MDN1: variants seen among roughly 807,000 people sequenced by gnomAD.
The protein encoded by MDN1 is midasin AAA ATPase 1.
Under a neutral mutation model 669.2 loss-of-function variants are expected in MDN1, and 266 were observed. The ratio of observed to expected loss-of-function variants is 0.40; its 90% CI spans 0.36 to 0.44. The LOEUF is 0.44. Among genes scored for constraint, MDN1 ranks in the 20% least tolerant of loss-of-function variants. MDN1 has a pLI of 1.00. For synonymous variants in MDN1, 2,385 were observed against 2,457.1 expected, an observed-to-expected ratio of 0.97 and a Z score of 0.87; for missense variants, 5,940 against 6,754.0, an observed-to-expected ratio of 0.88 and a Z score of 4.22.
chr6:89,653,836 T>C (rs1170345554), intron 93 of MDN1, among the ~76,000 whole-genome samples: 1 of 152,216 alleles, frequency 6.6e-6, no homozygotes, highest in Non-Finnish European at 1.5e-5. Context: ...GAAAATATCA[T>C]TTCTCTAATA....
At chr6:89,743,483 A>G in intron 30 of MDN1, 93 bp downstream of exon 30, 2 of 1,480,354 alleles carry the variant, frequency 1.4e-6, no homozygotes, top group Admixed American at 4.0e-5. Flanking sequence ...CATTTAACCA[A>G]ACCAGAACCC....
rs773368941 is a variant in MDN1 at position 89,758,880 on chromosome 6, T to C, written c.2541A>G (p.Glu847=). 7 of 1,614,118 alleles carry C rather than the reference T, an allele frequency of 4.3e-6. No individual in the cohort carries two copies. In the Admixed American group the frequency reaches 1.2e-4, roughly 27 times the overall value. ...EINLAAPEIL[E]CLSGLLEGSS... ...ATCCTTCAAGCAAACCACTCAGACA[T>C]TCTAGTATTTCTGGAGCAGCCAAGT... Residue 847 remains glutamate (E), a synonymous_variant, in exon 18 of 102, where the codon GAA becomes GAG. Transcript: ENST00000369393.
chr6:89,685,165 T>G (rs374144707), intron 70 of MDN1, among the ~76,000 whole-genome samples, 180 bp from the exon 71 acceptor site: 8 of 152,232 alleles, frequency 5.3e-5, no homozygotes, highest in Admixed American at 3.3e-4. Flanking sequence ...TTCCCAGAGA[T>G]GCAGGCTGTC....
chr6:89,712,374 G>T, intron 48 of MDN1, 118 bp from the exon 49 acceptor site: 1 of 1,067,810 alleles, frequency 9.4e-7, no homozygotes, highest in Non-Finnish European at 1.4e-6. Flanking sequence ...GAAAAGGAGA[G>T]TCTCCCACAG....
intron 11 of MDN1, among the ~76,000 whole-genome samples, chr6:89,776,956 T>G (rs1818387839): frequency 6.6e-6 from 1 of 152,198 alleles, no homozygotes; most frequent in Non-Finnish European, 1.5e-5. Flanking sequence ...CACCCCACTT[T>G]GCAAATCCTA....
chr6:89,708,590 G>C lies in MDN1; in HGVS notation c.7804C>G (p.Gln2602Glu), dbSNP rs866855239. Residue 2602 changes from glutamine (Q) to glutamate (E), a missense_variant, in exon 51 of 102, where the codon CAG becomes GAG. By Grantham distance (29) the Gln-to-Glu change is conservative. Around this residue, in one of 5 missense-constraint regions of MDN1, gnomAD observed 2,292 missense variants for 2,638.3 expected, o/e 0.87. Transcript: ENST00000369393. ...AAATTTCTAATCATGTCCAGAGCCT[G>C]CATATTCCATCGGGGATCCAGAGGG... ...VIPLDPRWNMQALDMIRNLMD... is the reference protein window; with the variant it reads ...VIPLDPRWNMEALDMIRNLMD... The C allele has an allele frequency of 6.2e-7, 1 of 1,613,804 alleles. No individual in the cohort carries two copies. The highest frequency in any genetic ancestry group is 1.3e-5 in the African/African-American group (1 of 74,906).
At chr6:89,743,356 T>C in intron 30 of MDN1, 76 bp from the exon 31 acceptor site, 1 of 1,569,468 alleles carries the variant, frequency 6.4e-7, no homozygotes, top group Non-Finnish European at 8.7e-7. Context: ...GGCTGGTGTT[T>C]CCAGGGGTGA....
chr6:89,674,288 T>G lies in MDN1; in HGVS notation c.13063A>C (p.Asn4355His). 6.2e-7 allele frequency: 1 copy of G among 1,614,220 alleles called. No individual in the cohort carries two copies. Among genetic ancestry groups the G allele is most frequent in the Non-Finnish European group, 8.5e-7 (1 of 1,180,048 alleles). ...CGVVLDLIPS[N>H]LSYPSPIPGS... ...GGTATTGGAGATGGGTAGCTCAGATTGGAAGGAATTAGGTCCAGCACTACT... is the reference window on the plus strand; with the variant it reads ...GGTATTGGAGATGGGTAGCTCAGATGGGAAGGAATTAGGTCCAGCACTACT... The change falls in exon 79 of 102, where the codon AAT (asparagine) becomes CAT (histidine). Residue 4355 changes from asparagine to histidine, a missense_variant. Physicochemically the swap from Asn to His is moderately conservative, Grantham distance 68. Coordinates refer to ENST00000369393, the MANE Select transcript of MDN1 (RefSeq NM_014611.3).
Position 89,790,689 on chromosome 6 carries a change from A to G in MDN1, c.856-288T>C, listed in dbSNP as rs377255196. The stretch of plus-strand genomic sequence containing the variant: ...CACTGCACTCCAGCCTGGGTGACAC[A>G]GAGACCCCGACTCTAGAAAAATAAA... On this transcript the variant is annotated intron_variant, in intron 5 of 101. Coordinates refer to ENST00000369393, the MANE Select transcript of MDN1 (RefSeq NM_014611.3). Among the ~76,000 whole-genome samples the G allele has an allele frequency of 1.2e-4, 18 of 152,260 alleles. No homozygotes were observed. In the South Asian group the frequency reaches 3.3e-3, roughly 28 times the overall value.
intron 75 of MDN1, 31 bp downstream of exon 75, chr6:89,678,568 C>G (rs367783185): frequency 3.7e-6 from 6 of 1,607,828 alleles, no homozygotes; most frequent in African/African-American, 2.7e-5. Context: ...TTGGTGACTA[C>G]ATTTCATTGG....
chr6:89,781,638 A>G, intron 9 of MDN1, 46 bp from the exon 10 acceptor site: 1 of 1,485,582 alleles, frequency 6.7e-7, no homozygotes, highest in Non-Finnish European at 9.1e-7. Context: ...CAGCATGGTA[A>G]TTTTTGAAAG....
At chr6:89,684,473 C>A (rs551507249) in intron 71 of MDN1, among the ~76,000 whole-genome samples, 37 of 151,738 alleles carry the variant, frequency 2.4e-4, no homozygotes, top group Non-Finnish European at 4.4e-4. Flanking sequence ...CCAAGTTAGT[C>A]ATGTCCCTTG....
chr6:89,751,518 T>C lies in MDN1; in HGVS notation c.3140A>G (p.Asp1047Gly). 1 of 1,614,096 alleles carries C rather than the reference T, an allele frequency of 6.2e-7. No homozygotes were observed. Among genetic ancestry groups the C allele is most frequent in the South Asian group, 1.1e-5 (1 of 91,082 alleles). The change falls in exon 23 of 102, where the codon GAC (aspartate) becomes GGC (glycine). Residue 1047 changes from aspartate (D) to glycine (G), a missense_variant. By Grantham distance (94) the Asp-to-Gly change is moderately conservative. Around this residue, in one of 5 missense-constraint regions of MDN1, gnomAD observed 1,203 missense variants for 1,268.9 expected, o/e 0.95. Coordinates refer to ENST00000369393, the MANE Select transcript of MDN1 (RefSeq NM_014611.3). ...CGTCTCATCTATTGTAGGCTCCTTG[T>C]CTCCCACCGCAATCCAGTAGCCTTC... is the stretch of plus-strand genomic sequence containing the variant. ...QVEGYWIAVG[D>G]KEPTIDETYI...
At chr6:89,807,402 A>G (rs1490874552) in intron 1 of MDN1, among the ~76,000 whole-genome samples, 1 of 152,244 alleles carries the variant, frequency 6.6e-6, no homozygotes, top group African/African-American at 2.4e-5. Context: ...GGTTTTTCTC[A>G]GCATTTTGAA....
rs1554199829 is a variant in MDN1, at chr6:89,796,338, A to AC, written c.330-1538_330-1537insG. 1.5e-3 allele frequency among the ~76,000 whole-genome samples: 202 copies of AC among 134,142 alleles called. 3 individuals carry two copies. The highest frequency in any genetic ancestry group is 4.7e-3 in the African/African-American group (167 of 35,600). 88.0% of individuals were successfully genotyped at this position (134,142 alleles called of 152,430 possible). A position where few individuals can be genotyped will look rare whatever the true frequency, so the allele number is the denominator to read the frequency against. ...AAACTCTGTCTCAAAAAAAAAAAAA[A>AC]AAAAAAAAAAAACAAAAAAAAAAAC... On this transcript the variant is annotated intron_variant, in intron 2 of 101. Coordinates refer to ENST00000369393, the MANE Select transcript of MDN1 (RefSeq NM_014611.3).
At chr6:89,698,743 T>C in intron 59 of MDN1, 122 bp downstream of exon 59, 1 of 874,100 alleles carries the variant, frequency 1.1e-6, no homozygotes, top group Non-Finnish European at 1.8e-6. Flanking sequence ...CTGCAGAAAG[T>C]AAAGTGTTGC....
intron 1 of MDN1, among the ~76,000 whole-genome samples, chr6:89,812,685 C>T (rs899743231): frequency 1.4e-5 from 2 of 143,602 alleles, no homozygotes; most frequent in Non-Finnish European, 3.2e-5. Flanking sequence ...ATCAGTTAGC[C>T]CTTCTCAAAG....
chr6:89,784,565 T>C (rs1818856280), intron 9 of MDN1, among the ~76,000 whole-genome samples: 1 of 152,086 alleles, frequency 6.6e-6, no homozygotes, highest in Non-Finnish European at 1.5e-5. Flanking sequence ...ATAACCACAA[T>C]ACTAGAAACT....
intron 40 of MDN1, among the ~76,000 whole-genome samples, chr6:89,722,338 T>C (rs1814884588): frequency 6.6e-6 from 1 of 152,248 alleles, no homozygotes; most frequent in Non-Finnish European, 1.5e-5. Flanking sequence ...GTATCACCTG[T>C]CTGCCTCCTC....
Sources: gnomAD v4.1 joint callset for allele counts (sites outside exome capture counted in the v4.1 genomes callset) on GRCh38, gnomAD v4.1.1 for gene constraint, gnomAD v4.1.1 regional missense constraint, MANE v1.5 for transcripts, NCBI Gene and HGNC (gene_info 2026-07-23, HGNC 2026-07-21) for gene names.